SLC39A11: variants seen among roughly 807,000 people sequenced by gnomAD.
SLC39A11 encodes solute carrier family 39 member 11, also known as zinc transporter ZIP11.
In SLC39A11, 33 loss-of-function variants were observed where a neutral mutation model predicts 36.1. The ratio of observed to expected loss-of-function variants is 0.91; its 90% CI spans 0.69 to 1.22. SLC39A11 has a LOEUF of 1.22. Among genes scored for constraint, SLC39A11 ranks in the 50% most tolerant of loss-of-function variants. The pLI, the probability that SLC39A11 is intolerant of heterozygous loss-of-function variation, is 0.00. For synonymous variants in SLC39A11, 166 were observed against 170.3 expected, an observed-to-expected ratio of 0.97 and a Z score of 0.20; for missense variants, 432 against 430.3, an observed-to-expected ratio of 1.00 and a Z score of -0.03.
At chr17:73,031,736 A>G (rs1422949710) in intron 3 of SLC39A11, 22 bp from the exon 4 acceptor site, 1 of 1,611,446 alleles carries the variant, frequency 6.2e-7, no homozygotes, top group African/African-American at 1.3e-5. Flanking sequence ...ACAACGAGAG[A>G]TAAACGTTAA....
At chr17:72,696,751 T>C (rs1303350490) in intron 7 of SLC39A11, among the ~76,000 whole-genome samples, 4 of 152,242 alleles carry the variant, frequency 2.6e-5, no homozygotes, top group Admixed American at 2.0e-4. Context: ...TTAATAATTA[T>C]GTTATAAAGT....
chr17:73,023,679 T>C lies in SLC39A11; in HGVS notation c.306+7877A>G, dbSNP rs142145462. Among the ~76,000 whole-genome samples, 251 of 151,684 alleles carry C rather than the reference T, an allele frequency of 1.7e-3. 1 individual carries two copies. The highest frequency in any genetic ancestry group is 5.9e-3 in the African/African-American group (242 of 41,346). On this transcript the variant is annotated intron_variant, in intron 4 of 9. Coordinates refer to ENST00000255559, the MANE Select transcript of SLC39A11 (RefSeq NM_139177.4). ...TAATTTTTTGTATTTTTAGTAGATA[T>C]GGGGTTTCACTGTGTTAGCCAGGCT... is the stretch of plus-strand genomic sequence containing the variant.
At chr17:72,727,800 G>A (rs995732986) in intron 7 of SLC39A11, among the ~76,000 whole-genome samples, 3 of 152,172 alleles carry the variant, frequency 2.0e-5, no homozygotes, top group South Asian at 2.1e-4. Flanking sequence ...AGGTAGGGAG[G>A]TGGACAGATG....
chr17:72,978,551 A>G (rs2088040172), intron 4 of SLC39A11, among the ~76,000 whole-genome samples: 1 of 152,148 alleles, frequency 6.6e-6, no homozygotes, highest in Non-Finnish European at 1.5e-5. Context: ...GAGCTTCGGG[A>G]ACTCTGTTTC....
At chr17:72,727,651 C>CAAAAAA (rs57874434) in intron 7 of SLC39A11, among the ~76,000 whole-genome samples, 3 of 73,168 alleles carry the variant, frequency 4.1e-5, no homozygotes, top group Non-Finnish European at 6.0e-5. Context: ...GACTCCGTCT[C>CAAAAAA]AAAAAAAAAA....
intron 4 of SLC39A11, among the ~76,000 whole-genome samples, chr17:72,949,080 C>G (rs1323918094): frequency 7.4e-6 from 1 of 135,160 alleles, no homozygotes; most frequent in Non-Finnish European, 1.5e-5. Context: ...GTAGATATTT[C>G]TTGAAACCTA....
At chr17:73,076,802 C>CTTTTTT in intron 3 of SLC39A11, among the ~76,000 whole-genome samples, 1 of 139,448 alleles carries the variant, frequency 7.2e-6, no homozygotes, top group Non-Finnish European at 1.6e-5. Context: ...TTCTTTTTTT[C>CTTTTTT]TTTTTTTTTT....
At chr17:72,696,624 A>G (rs1353620993) in intron 7 of SLC39A11, among the ~76,000 whole-genome samples, 1 of 151,720 alleles carries the variant, frequency 6.6e-6, no homozygotes, top group Non-Finnish European at 1.5e-5. Flanking sequence ...AGGGCCCCCT[A>G]TCTCTCTGAT....
intron 5 of SLC39A11, among the ~76,000 whole-genome samples, chr17:72,897,629 G>C (rs1001772618): frequency 6.6e-6 from 1 of 152,204 alleles, no homozygotes; most frequent in Non-Finnish European, 1.5e-5. Context: ...GGTGATGTCA[G>C]GATCCTTGTG....
intron 4 of SLC39A11, among the ~76,000 whole-genome samples, chr17:72,957,449 C>A (rs1187182190): frequency 2.0e-5 from 3 of 152,214 alleles, no homozygotes. Flanking sequence ...AACTCAATCT[C>A]ATTCACTTAA....
intron 3 of SLC39A11, among the ~76,000 whole-genome samples, chr17:73,059,978 G>A (rs932543446): frequency 2.0e-5 from 3 of 152,022 alleles, no homozygotes; most frequent in Non-Finnish European, 4.4e-5. Context: ...GGGAGGCTGA[G>A]GCAGGTGGAT....
chr17:72,760,096 G>A (rs543029729), intron 6 of SLC39A11, among the ~76,000 whole-genome samples: 1 of 152,244 alleles, frequency 6.6e-6, no homozygotes, highest in East Asian at 1.9e-4. Context: ...GTGCAATCTC[G>A]GCTCACTGCA....
intron 6 of SLC39A11, among the ~76,000 whole-genome samples, chr17:72,848,401 C>T (rs1023682160): frequency 6.6e-6 from 1 of 152,096 alleles, no homozygotes; most frequent in African/African-American, 2.4e-5. Flanking sequence ...TTAATATGTC[C>T]TTTTTTCCAA....
intron 4 of SLC39A11, among the ~76,000 whole-genome samples, chr17:73,002,405 C>T (rs1170346303): frequency 6.6e-6 from 1 of 152,200 alleles, no homozygotes; most frequent in African/African-American, 2.4e-5. Context: ...GCCTGCGCTA[C>T]TGGTAACTCT....
chr17:72,969,417 C>G (rs1452258494), intron 4 of SLC39A11, among the ~76,000 whole-genome samples: 1 of 152,078 alleles, frequency 6.6e-6, no homozygotes, highest in Non-Finnish European at 1.5e-5. Flanking sequence ...TTTCAATTCT[C>G]CACTAAAACA....
chr17:72,887,993 T>C (rs4506975), intron 5 of SLC39A11, among the ~76,000 whole-genome samples: 1 of 152,158 alleles, frequency 6.6e-6, no homozygotes, highest in South Asian at 2.1e-4. Context: ...GCCTTGGAAA[T>C]TCCATTTCTC....
intron 6 of SLC39A11, among the ~76,000 whole-genome samples, chr17:72,772,428 G>T (rs1212876010): frequency 6.6e-6 from 1 of 152,148 alleles, no homozygotes; most frequent in Non-Finnish European, 1.5e-5. Context: ...AACTACTGGG[G>T]GTTGGGGCCC....
chr17:73,073,344 G>A (rs1407490857), intron 3 of SLC39A11, among the ~76,000 whole-genome samples: 2 of 152,126 alleles, frequency 1.3e-5, no homozygotes, highest in Non-Finnish European at 2.9e-5. Context: ...CCATGGACCC[G>A]GCAACCACGC....
At chr17:72,655,118 C>T (rs1025881465) in intron 7 of SLC39A11, among the ~76,000 whole-genome samples, 6 of 152,392 alleles carry the variant, frequency 3.9e-5, no homozygotes, top group Non-Finnish European at 7.3e-5. Context: ...TCCCTCCTGA[C>T]ACTCCTGGGC....
Sources: gnomAD v4.1 joint callset for allele counts (sites outside exome capture counted in the v4.1 genomes callset) on GRCh38, gnomAD v4.1.1 for gene constraint, MANE v1.5 for transcripts, NCBI Gene and HGNC (gene_info 2026-07-23, HGNC 2026-07-21) for gene names.